RASGEF1A: variants seen among roughly 807,000 people sequenced by gnomAD.
RASGEF1A encodes ras-GEF domain-containing family member 1A.
A neutral mutation model predicts 56.4 loss-of-function variants in RASGEF1A; 18 were observed. The observed-to-expected ratio is 0.32, with a 90% confidence interval of 0.22 to 0.47. The LOEUF is 0.47. Among genes scored for constraint, RASGEF1A ranks in the 20% least tolerant of loss-of-function variants. The probability of loss-of-function intolerance (pLI) is 1.00; values close to 1 mark genes in which losing one functional copy is unlikely to be tolerated. For missense variants in RASGEF1A, 422 were observed against 627.1 expected, an observed-to-expected ratio of 0.67 and a Z score of 3.49; for synonymous variants, 245 against 242.6, an observed-to-expected ratio of 1.01 and a Z score of -0.09.
intron 1 of RASGEF1A, among the ~76,000 whole-genome samples, chr10:43,262,891 G>A (rs1836559930): frequency 6.6e-6 from 1 of 152,212 alleles, no homozygotes; most frequent in Non-Finnish European, 1.5e-5. Context: ...GAGGCAGAAG[G>A]GGCAGAAGAG....
chr10:43,232,686 C>T (rs1056360592), intron 1 of RASGEF1A, among the ~76,000 whole-genome samples: 4 of 152,048 alleles, frequency 2.6e-5, no homozygotes, highest in Admixed American at 2.0e-4. Context: ...AGGGTTTCAC[C>T]GTGTTGGCCA....
At chr10:43,228,679 C>G (rs1840315446) in intron 1 of RASGEF1A, among the ~76,000 whole-genome samples, 1 of 152,206 alleles carries the variant, frequency 6.6e-6, no homozygotes, top group South Asian at 2.1e-4. Flanking sequence ...CCTCACAGGC[C>G]CTGCTAGCTC....
chr10:43,257,634 G>A (rs559632174), intron 1 of RASGEF1A, among the ~76,000 whole-genome samples: 2 of 152,350 alleles, frequency 1.3e-5, no homozygotes, highest in Non-Finnish European at 2.9e-5. Context: ...ACTGCACACA[G>A]CGATGGGCAA....
chr10:43,234,327 G>A (rs752083427), intron 1 of RASGEF1A, among the ~76,000 whole-genome samples: 1 of 152,330 alleles, frequency 6.6e-6, no homozygotes, highest in South Asian at 2.1e-4. Flanking sequence ...TGGAGGAAGG[G>A]ACCTGAGCCT....
At chr10:43,252,233 C>A (rs1003930163) in intron 1 of RASGEF1A, among the ~76,000 whole-genome samples, 2 of 152,232 alleles carry the variant, frequency 1.3e-5, no homozygotes, top group Non-Finnish European at 2.9e-5. Flanking sequence ...CATACACAGG[C>A]ACACTCCACA....
At chr10:43,204,971 G>A (rs570104988) in intron 2 of RASGEF1A, among the ~76,000 whole-genome samples, 1 of 152,336 alleles carries the variant, frequency 6.6e-6, no homozygotes, top group Non-Finnish European at 1.5e-5. Flanking sequence ...CAGGGCTTAC[G>A]GGACAGACAG....
intron 1 of RASGEF1A, chr10:43,208,498 G>T: frequency 1.0e-6 from 1 of 985,658 alleles, no homozygotes; most frequent in Non-Finnish European, 1.2e-6. Context: ...TTCGAGGGTG[G>T]GGGCCTGGAG....
chr10:43,213,696 G>A (rs1019396549), intron 1 of RASGEF1A, among the ~76,000 whole-genome samples: 1 of 152,148 alleles, frequency 6.6e-6, no homozygotes, highest in African/African-American at 2.4e-5. Flanking sequence ...GCACGATCTT[G>A]GCTCACTGCA....
At position 43,206,059 on chromosome 10, in the gene RASGEF1A, C is replaced by A; in HGVS notation, c.58G>T (p.Val20Leu). The A allele has an allele frequency of 6.2e-7, 1 of 1,607,632 alleles. No homozygotes were observed. Among genetic ancestry groups the A allele is most frequent in the Non-Finnish European group, 8.5e-7 (1 of 1,177,536 alleles). ...CCACGCTCCCCCATGCCAGGCTGCACCTGTCCGCTACAGCTGGGCCCAAGG... is the reference window on the plus strand; with the variant it reads ...CCACGCTCCCCCATGCCAGGCTGCAACTGTCCGCTACAGCTGGGCCCAAGG... ...SILGPSCSGQ[V>L]QPGMGERGGG... The change falls in exon 2 of 13, where the codon GTG becomes TTG. Residue 20 changes from valine to leucine, a missense_variant. Val to Leu is a conservative substitution (Grantham distance 32, BLOSUM62 1). Coordinates refer to ENST00000395810, the MANE Select transcript of RASGEF1A (RefSeq NM_145313.4).
At chr10:43,231,564 C>T (rs959578272) in intron 1 of RASGEF1A, among the ~76,000 whole-genome samples, 1 of 152,262 alleles carries the variant, frequency 6.6e-6, no homozygotes, top group Non-Finnish European at 1.5e-5. Flanking sequence ...CTTCCTATCA[C>T]GCTCATCCCA....
intron 1 of RASGEF1A, chr10:43,206,794 C>CCTT (rs1840002685): frequency 1.0e-6 from 1 of 985,950 alleles, no homozygotes; most frequent in East Asian, 1.1e-4. Context: ...AGGTCTTGGG[C>CCTT]CAAGTGGCTG....
intron 1 of RASGEF1A, among the ~76,000 whole-genome samples, chr10:43,239,683 C>G (rs1840478984): frequency 6.6e-6 from 1 of 152,194 alleles, no homozygotes; most frequent in Non-Finnish European, 1.5e-5. Flanking sequence ...GGAGGGAAAA[C>G]AGCAATGGAA....
chr10:43,254,788 C>T (rs903112384), intron 1 of RASGEF1A, among the ~76,000 whole-genome samples: 2 of 152,126 alleles, frequency 1.3e-5, no homozygotes, highest in African/African-American at 4.8e-5. Flanking sequence ...AGCAGGGGCT[C>T]CTCCTAGGGT....
At chr10:43,229,607 G>A in intron 1 of RASGEF1A, 1 of 1,475,566 alleles carries the variant, frequency 6.8e-7, no homozygotes, top group Non-Finnish European at 9.0e-7. Context: ...CTGCCCCGCG[G>A]CCTTGCGCCT....
chr10:43,222,616 C>G (rs1588939551), intron 1 of RASGEF1A, among the ~76,000 whole-genome samples: 1 of 152,336 alleles, frequency 6.6e-6, no homozygotes, highest in South Asian at 2.1e-4. Context: ...CATGCCTTGC[C>G]CTGAGCATCC....
chr10:43,257,820 TG>T (rs1207286335), intron 1 of RASGEF1A, among the ~76,000 whole-genome samples: 1 of 152,218 alleles, frequency 6.6e-6, no homozygotes, highest in Non-Finnish European at 1.5e-5. Context: ...CAGGGCTGCA[TG>T]GCTGTCCCCA....
At chr10:43,204,715 A>T (rs1212118843) in intron 2 of RASGEF1A, among the ~76,000 whole-genome samples, 1 of 152,128 alleles carries the variant, frequency 6.6e-6, no homozygotes, top group African/African-American at 2.4e-5. Context: ...CCAATGCCCA[A>T]CTGGAGTCTC....
At chr10:43,208,726 C>T (rs1840028803) in intron 1 of RASGEF1A, 1 of 985,442 alleles carries the variant, frequency 1.0e-6, no homozygotes, top group African/African-American at 1.7e-5. Flanking sequence ...CCCTGCAGGT[C>T]TGGGGGATGC....
chr10:43,233,121 C>T (rs963516795), intron 1 of RASGEF1A, among the ~76,000 whole-genome samples: 1 of 152,194 alleles, frequency 6.6e-6, no homozygotes, highest in African/African-American at 2.4e-5. Context: ...CATTGTCCTG[C>T]CATGGAATGG....
Sources: allele counts gnomAD v4.1 joint callset (sites outside exome capture counted in the v4.1 genomes callset), GRCh38; gene constraint gnomAD v4.1.1; transcripts MANE v1.5; gene names NCBI Gene and HGNC (gene_info 2026-07-23, HGNC 2026-07-21).